The following CMIP variants were observed in gnomAD, a reference collection of about 807,000 sequenced individuals.
The protein encoded by CMIP is c-Maf inducing protein.
In CMIP, 13 loss-of-function variants were observed where a neutral mutation model predicts 97.3. That is an observed-to-expected ratio of 0.13 (90% confidence interval 0.09 to 0.21). The LOEUF is 0.21. Among genes scored for constraint, CMIP ranks in the 10% least tolerant of loss-of-function variants. CMIP has a pLI of 1.00. For missense variants in CMIP, 847 were observed against 1,024.9 expected, an observed-to-expected ratio of 0.83 and a Z score of 2.37; for synonymous variants, 538 against 436.3, an observed-to-expected ratio of 1.23 and a Z score of -2.91.
Position 81,651,370 on chromosome 16 carries a change from G to C in CMIP, c.478-833G>C, listed in dbSNP as rs139441165. The C allele has an allele frequency of 1.4e-3, 1,333 of 956,680 alleles. 18 individuals are homozygous for C. In the African/African-American group the frequency reaches 0.021, roughly 15 times the overall value. 59.3% of individuals were successfully genotyped at this position (956,680 alleles called of 1,614,324 possible). A position where few individuals can be genotyped will look rare whatever the true frequency, so the allele number is the denominator to read the frequency against. ...GGAACTAACTCTGCCTCAAATCCAG[G>C]GAGGCAGCAGCCCCTGTCCCAACCG... On this transcript the variant is annotated intron_variant, in intron 3 of 20. Transcript: ENST00000537098.
At chr16:81,679,462 G>A (rs935899011) in intron 10 of CMIP, among the ~76,000 whole-genome samples, 5 of 152,118 alleles carry the variant, frequency 3.3e-5, no homozygotes, top group Admixed American at 1.3e-4. Context: ...CATGCATGCC[G>A]TGTGTCTTTG....
rs73602424 is a variant in CMIP, at chr16:81,703,287, G to A, written c.1944+618G>A. 6.2e-3 allele frequency among the ~76,000 whole-genome samples: 943 copies of A among 152,016 alleles called. 15 individuals are homozygous for A. The highest frequency in any genetic ancestry group is 0.022 in the African/African-American group (893 of 41,438). ...CACACACTAAATCAGCCTTCATTCC[G>A]GGCAGCCACAGGGCCGCTGACACTC... On this transcript the variant is annotated intron_variant, in intron 17 of 20. Transcript: ENST00000537098.
At chr16:81,633,545 C>T (rs900790310) in intron 3 of CMIP, among the ~76,000 whole-genome samples, 4 of 152,178 alleles carry the variant, frequency 2.6e-5, no homozygotes, top group East Asian at 1.9e-4. Context: ...GATAATTGAC[C>T]GGGAGATGAT....
chr16:81,622,939 C>G (rs1456832825), intron 3 of CMIP, among the ~76,000 whole-genome samples: 1 of 152,236 alleles, frequency 6.6e-6, no homozygotes, highest in East Asian at 1.9e-4. Context: ...TGTGGTGGCT[C>G]ATGCCTGTAA....
chr16:81,546,218 C>A (rs1026646102), intron 1 of CMIP, among the ~76,000 whole-genome samples: 1 of 152,176 alleles, frequency 6.6e-6, no homozygotes, highest in Non-Finnish European at 1.5e-5. Context: ...GAATCCCGAT[C>A]CTTCTCTCTG....
intron 3 of CMIP, among the ~76,000 whole-genome samples, chr16:81,636,753 A>G (rs2092241744): frequency 6.6e-6 from 1 of 152,096 alleles, no homozygotes; most frequent in Non-Finnish European, 1.5e-5. Flanking sequence ...AATTTGAAAC[A>G]TTGCAGATAA....
intron 1 of CMIP, among the ~76,000 whole-genome samples, chr16:81,536,413 A>T (rs897824239): frequency 2.6e-5 from 4 of 152,224 alleles, no homozygotes; most frequent in African/African-American, 9.7e-5. Context: ...CGGGGGCATT[A>T]TAAATTGATC....
At chr16:81,523,120 A>G (rs7200617) in intron 1 of CMIP, among the ~76,000 whole-genome samples, 13,361 of 152,018 alleles carry the variant, frequency 0.088, 666 homozygotes, top group African/African-American at 0.13. Flanking sequence ...GGACTTCGCT[A>G]TGTTGCCCAG....
At chr16:81,497,705 G>A (rs767456436) in intron 1 of CMIP, among the ~76,000 whole-genome samples, 5 of 152,238 alleles carry the variant, frequency 3.3e-5, no homozygotes, top group South Asian at 2.1e-4. Context: ...GCAGAATCCC[G>A]GTTTTCTGAA....
intron 3 of CMIP, among the ~76,000 whole-genome samples, chr16:81,649,007 A>C (rs2092397405): frequency 6.7e-6 from 1 of 149,888 alleles, no homozygotes; most frequent in African/African-American, 2.5e-5. Flanking sequence ...TCACTTCCCC[A>C]CTCTCCCCAC....
At chr16:81,629,480 G>A (rs940840410) in intron 3 of CMIP, among the ~76,000 whole-genome samples, 27 of 152,190 alleles carry the variant, frequency 1.8e-4, no homozygotes, top group Admixed American at 2.0e-4. Flanking sequence ...CCTTGGTCTT[G>A]AGGGAAGACG....
intron 1 of CMIP, among the ~76,000 whole-genome samples, chr16:81,544,368 C>T (rs560273261): frequency 3.9e-5 from 6 of 152,270 alleles, no homozygotes; most frequent in African/African-American, 1.4e-4. Flanking sequence ...GGCGTGAACA[C>T]GTGAGGGCAT....
In CMIP at chr16:81,678,590, C is replaced by T. The variant is rs1190980770; in HGVS notation, c.1350C>T (p.Asp450=). The change falls in exon 10 of 21, where the codon GAC becomes GAT. Residue 450 remains aspartate, a synonymous_variant. Coordinates refer to ENST00000537098, the MANE Select transcript of CMIP (RefSeq NM_198390.3). ...TMSIELGPQA[D]RTLGCYVEIL... ...GCATCGAGCTGGGCCCCCAGGCCGA[C>T]CGCACGCTCGGCTGCTACGTGGAAA... The T allele has an allele frequency of 6.2e-7, 1 of 1,600,604 alleles. No individual in the cohort carries two copies. Among genetic ancestry groups the T allele is most frequent in the Non-Finnish European group, 8.5e-7 (1 of 1,172,598 alleles).
chr16:81,645,356 G>A, intron 3 of CMIP: 3 of 1,425,912 alleles, frequency 2.1e-6, no homozygotes, highest in Non-Finnish European at 9.2e-7. Context: ...GCGTGCTTGG[G>A]TGTGTACGCG....
intron 3 of CMIP, among the ~76,000 whole-genome samples, chr16:81,649,750 C>G (rs1372806293): frequency 1.3e-5 from 2 of 152,202 alleles, no homozygotes; most frequent in Non-Finnish European, 2.9e-5. Flanking sequence ...AGACTCCATG[C>G]AAATGTAAGA....
chr16:81,602,621 T>C (rs960026583), intron 1 of CMIP, among the ~76,000 whole-genome samples: 1 of 152,272 alleles, frequency 6.6e-6, no homozygotes, highest in Non-Finnish European at 1.5e-5. Context: ...GGGTGTGATT[T>C]CAGCCCCTGT....
chr16:81,512,839 C>A (rs1045284080), intron 1 of CMIP, among the ~76,000 whole-genome samples: 15 of 152,176 alleles, frequency 9.9e-5, no homozygotes, highest in African/African-American at 3.6e-4. Flanking sequence ...TGGGTTCAAG[C>A]AATTCTCCTG....
At chr16:81,685,619 A>C (rs1597248395) in intron 10 of CMIP, among the ~76,000 whole-genome samples, 1 of 151,448 alleles carries the variant, frequency 6.6e-6, no homozygotes, top group African/African-American at 2.4e-5. Flanking sequence ...GTTACAGGTC[A>C]CTGCAGCCTC....
chr16:81,570,712 G>A (rs1275820517), intron 1 of CMIP, among the ~76,000 whole-genome samples: 1 of 152,174 alleles, frequency 6.6e-6, no homozygotes, highest in Non-Finnish European at 1.5e-5. Flanking sequence ...CTGTTAACAT[G>A]TGCTGAAAGG....
Sources: allele counts gnomAD v4.1 joint callset (sites outside exome capture counted in the v4.1 genomes callset), GRCh38; gene constraint gnomAD v4.1.1; transcripts MANE v1.5; gene names NCBI Gene and HGNC (gene_info 2026-07-23, HGNC 2026-07-21).